GPATCH11: variants seen among roughly 807,000 people sequenced by gnomAD.
GPATCH11 encodes G patch domain-containing protein 11.
In GPATCH11, 32 loss-of-function variants were observed where a neutral mutation model predicts 44.8. That is an observed-to-expected ratio of 0.71 (90% CI 0.54 to 0.96). The LOEUF (loss-of-function observed/expected upper bound fraction) is 0.96. Ranked by LOEUF, GPATCH11 falls within the 40% of genes least tolerant of loss-of-function variation. The pLI is 0.00. For synonymous variants in GPATCH11, 84 were observed against 94.4 expected (o/e 0.89, Z 0.64); for missense variants, 324 against 303.1 (o/e 1.07, Z -0.51).
In GPATCH11 at chr2:37,084,903, A is replaced by G. The variant is rs190602875; in HGVS notation, c.-14+333A>G. Among the ~76,000 whole-genome samples, 71 of 152,314 alleles carry G rather than the reference A, an allele frequency of 4.7e-4. No homozygotes were observed. The East Asian group carries it at 0.013, about 27-fold the overall frequency. On this transcript the variant is annotated intron_variant, in intron 1 of 8. Transcript: ENST00000674370. ...TACTCCTACAGTCTTCCCACTCTCA[A>G]AAAACGTTAACTCCGTTCTTCCATG...
At chr2:37,094,930 G>C (rs1241346481) in intron 7 of GPATCH11, among the ~76,000 whole-genome samples, 2 of 142,260 alleles carry the variant, frequency 1.4e-5, no homozygotes, top group African/African-American at 2.6e-5. Context: ...GATAGACCGA[G>C]ACCCTGTCTC....
Position 37,098,462 on chromosome 2 carries a change from A to C in GPATCH11, c.*2199A>C, listed in dbSNP as rs1432424134. 1 of 152,156 alleles carries C rather than the reference A, an allele frequency of 6.6e-6. No homozygotes were observed. Among genetic ancestry groups the C allele is most frequent in the Admixed American group, 6.6e-5 (1 of 15,266 alleles). The allele number at this position is 152,156 out of a possible 1,614,324, so 9.4% of individuals were successfully genotyped here. ...CAATACTGTGGTGTCATTTCAGCCA[A>C]CATACCAACATTCAGTCAAATCCCA... On this transcript the variant is annotated 3_prime_UTR_variant, in exon 9 of 9. Transcript: ENST00000674370.
chr2:37,094,042 T>C (rs746852847), intron 6 of GPATCH11, 40 bp from the exon 7 acceptor site: 7 of 1,107,956 alleles, frequency 6.3e-6, no homozygotes, highest in South Asian at 2.6e-5. Context: ...CATGCTCTTA[T>C]GTTTAGTATG....
chr2:37,091,968 A>G lies in GPATCH11; in HGVS notation c.381A>G (p.Lys127=). The change falls in exon 5 of 9, where the codon AAA becomes AAG. Residue 127 remains lysine, a synonymous_variant. Transcript: ENST00000674370. ...EASLKRKAEE[K]LESYRKKIHM... is the part of the protein sequence containing the mutation. Reference sequence around the variant, plus strand: ...CATTAAAACGGAAAGCAGAGGAAAAATTGGAAAGCTACAGAAAAAAGATTC... The same window carrying G: ...CATTAAAACGGAAAGCAGAGGAAAAGTTGGAAAGCTACAGAAAAAAGATTC... The G allele has an allele frequency of 6.2e-7, 1 of 1,613,354 alleles. No individual in the cohort carries two copies. Among genetic ancestry groups the G allele is most frequent in the Non-Finnish European group, 8.5e-7 (1 of 1,179,460 alleles).
At position 37,095,493 on chromosome 2, in the gene GPATCH11, T is replaced by C; in HGVS notation, c.711T>C (p.Cys237=). 6.2e-7 allele frequency: 1 copy of C among 1,605,514 alleles called. No individual in the cohort carries two copies. The highest frequency in any genetic ancestry group is 8.5e-7 in the Non-Finnish European group (1 of 1,176,694). ...ATTTAAGAGAAGAACATCTATATTG[T>C]ATTTGGTGTGGAACAGCCTATGAAG... The part of the protein sequence containing the change: ...TSYLREEHLY[C]IWCGTAYEDK... Residue 237 remains cysteine, a synonymous_variant, in exon 8 of 9, where the codon TGT becomes TGC. Coordinates refer to ENST00000674370, the MANE Select transcript of GPATCH11 (RefSeq NM_174931.4).
chr2:37,096,426 G>GA lies in GPATCH11; in HGVS notation c.*170dup, dbSNP rs2148651132. On this transcript the variant is annotated 3_prime_UTR_variant, in exon 9 of 9. Coordinates refer to ENST00000674370, the MANE Select transcript of GPATCH11 (RefSeq NM_174931.4). The stretch of plus-strand genomic sequence containing the variant: ...TTAGAATATGAATGTTCATTGACTT[G>GA]AAAAAAATAATGCAATGGCATTTCA... 1.7e-6 allele frequency: 1 copy of GA among 593,952 alleles called. No individual in the cohort carries two copies. Among genetic ancestry groups the GA allele is most frequent in the Non-Finnish European group, 3.0e-6 (1 of 333,886 alleles). The allele number at this position is 593,952 out of a possible 1,614,324, so 36.8% of individuals were successfully genotyped here. A position where few individuals can be genotyped will look rare whatever the true frequency, so the allele number is the denominator to read the frequency against.
rs1673705454 is a variant in GPATCH11, at chr2:37,098,432, C to G, written c.*2169C>G. 1 of 150,570 alleles carries G rather than the reference C, an allele frequency of 6.6e-6. No individual in the cohort carries two copies. Among genetic ancestry groups the G allele is most frequent in the Non-Finnish European group, 1.5e-5 (1 of 67,794 alleles). The allele number at this position is 150,570 out of a possible 1,614,324, so 9.3% of individuals were successfully genotyped here. A position where few individuals can be genotyped will look rare whatever the true frequency, so the allele number is the denominator to read the frequency against. ...AGGAGTACATTTTACCCTTGCAATT[C>G]CAGTCAATACTGTGGTGTCATTTCA... is the stretch of plus-strand genomic sequence containing the variant. On this transcript the variant is annotated 3_prime_UTR_variant, in exon 9 of 9. Coordinates refer to ENST00000674370, the MANE Select transcript of GPATCH11 (RefSeq NM_174931.4).
chr2:37,094,220 T>C (rs1250450965), intron 7 of GPATCH11, 25 bp downstream of exon 7: 1 of 1,400,468 alleles, frequency 7.1e-7, no homozygotes. Context: ...ATTTCCTTCA[T>C]AGGGTGTCTC....
Position 37,089,633 on chromosome 2 carries a change from T to A in GPATCH11, c.60-7T>A, listed in dbSNP as rs886544502. On this transcript the variant is annotated splice_region_variant and splice_polypyrimidine_tract_variant and intron_variant, in intron 2 of 8. Coordinates refer to ENST00000674370, the MANE Select transcript of GPATCH11 (RefSeq NM_174931.4). Reference sequence around the variant, plus strand: ...ACTCATCTAAAATAAACTTTTCCCTTATTCAGAGAAGATATCAGACCAGGA... The same window carrying A: ...ACTCATCTAAAATAAACTTTTCCCTAATTCAGAGAAGATATCAGACCAGGA... 11 of 1,539,394 alleles carry A rather than the reference T, an allele frequency of 7.1e-6. No individual in the cohort carries two copies. The African/African-American group carries it at 1.4e-4, about 19-fold the overall frequency.
chr2:37,089,127 T>C (rs1413851532), intron 2 of GPATCH11, among the ~76,000 whole-genome samples: 1 of 152,250 alleles, frequency 6.6e-6, no homozygotes, highest in Non-Finnish European at 1.5e-5. Flanking sequence ...CTTATTTTCC[T>C]ATGATCTGGC....
chr2:37,090,949 T>A (rs1450768000), intron 4 of GPATCH11, among the ~76,000 whole-genome samples: 1 of 152,170 alleles, frequency 6.6e-6, no homozygotes, highest in African/African-American at 2.4e-5. Flanking sequence ...ATTACAACCA[T>A]TGAATGTGCA....
At chr2:37,093,885 G>A (rs1673445519) in intron 6 of GPATCH11, among the ~76,000 whole-genome samples, 197 bp from the exon 7 acceptor site, 1 of 152,114 alleles carries the variant, frequency 6.6e-6, no homozygotes, top group Admixed American at 6.5e-5. Context: ...TTGATCTCTT[G>A]ACCTCGTGAT....
chr2:37,085,356 T>C (rs1172565897), intron 1 of GPATCH11, among the ~76,000 whole-genome samples: 1 of 152,178 alleles, frequency 6.6e-6, no homozygotes, highest in African/African-American at 2.4e-5. Context: ...GAGTTGTTAG[T>C]GGTGGTTAAA....
chr2:37,087,680 G>C (rs1307778165), intron 1 of GPATCH11, among the ~76,000 whole-genome samples: 1 of 152,208 alleles, frequency 6.6e-6, no homozygotes, highest in Non-Finnish European at 1.5e-5. Context: ...GCCTGGAGTG[G>C]TCAGGAGAGG....
At chr2:37,087,197 G>A (rs1027762423) in intron 1 of GPATCH11, among the ~76,000 whole-genome samples, 1 of 152,128 alleles carries the variant, frequency 6.6e-6, no homozygotes, top group Non-Finnish European at 1.5e-5. Flanking sequence ...CCCTGGTGCT[G>A]GACATAGAGT....
In GPATCH11 at chr2:37,092,235, C is replaced by G. The variant is rs1425337197; in HGVS notation, c.520C>G (p.Gln174Glu). 2 of 1,509,452 alleles carry G rather than the reference C, an allele frequency of 1.3e-6. No homozygotes were observed. Among genetic ancestry groups the G allele is most frequent in the Non-Finnish European group, 1.8e-6 (2 of 1,132,196 alleles). The allele number at this position is 1,509,452 out of a possible 1,614,324, so 93.5% of individuals were successfully genotyped here. ...GDLRRSQRAC[Q>E]QLDVQKNIQV... ...TCTCAGAAGAAGCCAGCGAGCCTGT[C>G]AACAACTGGATGTCCAGAAAGTAAG... The change falls in exon 6 of 9, where the codon CAA becomes GAA. Residue 174 changes from glutamine (Q) to glutamate (E), a missense_variant. Transcript: ENST00000674370.
rs767829445 is a variant in GPATCH11, at chr2:37,088,403, G to C, written c.22G>C (p.Glu8Gln). 2 of 1,575,896 alleles carry C rather than the reference G, an allele frequency of 1.3e-6. No individual in the cohort carries two copies. Among genetic ancestry groups the C allele is most frequent in the Non-Finnish European group, 1.7e-6 (2 of 1,151,458 alleles). MKLNMAE[E>Q]EDYMSDSFIN... is the part of the protein sequence containing the mutation. ...CCATATGAAGTTGAACATGGCAGAA[G>C]AAGAGGACTATATGTCTGATTCCTT... Residue 8 changes from glutamate to glutamine, a missense_variant, in exon 2 of 9, where the codon GAA becomes CAA. By Grantham distance (29) the Glu-to-Gln change is conservative. Coordinates refer to ENST00000674370, the MANE Select transcript of GPATCH11 (RefSeq NM_174931.4).
At chr2:37,095,215 A>G (rs770228824) in intron 7 of GPATCH11, among the ~76,000 whole-genome samples, 5 of 152,232 alleles carry the variant, frequency 3.3e-5, no homozygotes, top group Non-Finnish European at 2.9e-5. Flanking sequence ...CTCAATGTTA[A>G]CAAGCAGTCT....
rs892318227 is a variant in GPATCH11, at chr2:37,098,454, T to A, written c.*2191T>A. The A allele has an allele frequency of 1.3e-5, 2 of 151,726 alleles. No individual in the cohort carries two copies. Among genetic ancestry groups the A allele is most frequent in the Non-Finnish European group, 2.9e-5 (2 of 67,992 alleles). The allele number at this position is 151,726 out of a possible 1,614,324, so 9.4% of individuals were successfully genotyped here. A position where few individuals can be genotyped will look rare whatever the true frequency, so the allele number is the denominator to read the frequency against. The stretch of plus-strand genomic sequence containing the variant: ...ATTCCAGTCAATACTGTGGTGTCAT[T>A]TCAGCCAACATACCAACATTCAGTC... On this transcript the variant is annotated 3_prime_UTR_variant, in exon 9 of 9. Transcript: ENST00000674370.
Sources: gnomAD v4.1 joint callset for allele counts (sites outside exome capture counted in the v4.1 genomes callset) on GRCh38, gnomAD v4.1.1 for gene constraint, MANE v1.5 for transcripts, NCBI Gene and HGNC (gene_info 2026-07-23, HGNC 2026-07-21) for gene names.